Variants in KCNN1 observed in about 807,000 individuals in gnomAD.
KCNN1 encodes the protein small conductance calcium-activated potassium channel protein 1.
KCNN1 carries 20 observed loss-of-function variants against 44.7 expected under a neutral mutation model. That is an observed-to-expected ratio of 0.45 (90% CI 0.32 to 0.65). KCNN1 has a LOEUF of 0.65. Ranked by LOEUF, KCNN1 falls within the 30% of genes least tolerant of loss-of-function variation. KCNN1 has a pLI of 0.05. For synonymous variants in KCNN1, 324 were observed against 341.7 expected (o/e 0.95, Z 0.57); for missense variants, 632 against 785.3 (o/e 0.80, Z 2.33).
intron 9 of KCNN1, among the ~76,000 whole-genome samples, chr19:17,997,424 C>A (rs1384194276): frequency 6.6e-6 from 1 of 152,216 alleles, no homozygotes; most frequent in Middle Eastern, 3.2e-3. Context: ...ACTAGACCCC[C>A]AGGGCAGCTC....
intron 7 of KCNN1, among the ~76,000 whole-genome samples, chr19:17,990,618 G>C (rs1269380133): frequency 6.6e-6 from 1 of 151,410 alleles, no homozygotes; most frequent in Non-Finnish European, 1.5e-5. Flanking sequence ...GGCTAACACA[G>C]TGAAACCTCG....
chr19:17,988,824 T>C (rs921698072), intron 6 of KCNN1, among the ~76,000 whole-genome samples: 1 of 151,080 alleles, frequency 6.6e-6, no homozygotes, highest in African/African-American at 2.4e-5. Flanking sequence ...GGCAGGAGAA[T>C]CGCTTGAGCC....
At position 17,998,016 on chromosome 19, in the gene KCNN1, C is replaced by A. The variant is rs994308684; in HGVS notation, c.1378-136C>A. The A allele has an allele frequency of 3.1e-6, 3 of 977,646 alleles. No homozygotes were observed. Among genetic ancestry groups the A allele is most frequent in the Non-Finnish European group, 4.3e-6 (3 of 697,414 alleles). 60.6% of individuals were successfully genotyped at this position (977,646 alleles called of 1,614,324 possible). On this transcript the variant is annotated intron_variant, in intron 9 of 9. Transcript: ENST00000684775. This position sits in a 1 kb window ranked among gnomAD's most constrained non-coding sequence, Gnocchi z 5.4. The stretch of plus-strand genomic sequence containing the variant: ...GCTGGGGGTATCCTCCCAGCCACCC[C>A]TCACACGGGCCCCATTAGTGGCTGG...
chr19:17,975,148 G>C lies in KCNN1; in HGVS notation c.459G>C (p.Leu153=), dbSNP rs1007926846. 4 of 1,613,490 alleles carry C rather than the reference G, an allele frequency of 2.5e-6. No individual in the cohort carries two copies. The African/African-American group carries it at 4.0e-5, about 16-fold the overall frequency. Residue 153 remains leucine, a synonymous_variant, in exon 3 of 10, where the codon CTG becomes CTC. Transcript: ENST00000684775. ...TCATCAGCCTCTCCACGGCCATCCT[G>C]CTGGGTCTCGTTGTCCTCTACCATG... ...KCLISLSTAI[L]LGLVVLYHAR...
At chr19:17,990,092 ATTC>A (rs769140116) in intron 7 of KCNN1, 34 of 664,232 alleles carry the variant, frequency 5.1e-5, no homozygotes, top group South Asian at 5.1e-4. Flanking sequence ...AACCAGGATA[ATTC>A]TTACCCTTTA....
At chr19:17,973,747 C>A in intron 1 of KCNN1, 61 bp from the exon 2 acceptor site, 1 of 1,440,434 alleles carries the variant, frequency 6.9e-7, no homozygotes, top group East Asian at 2.6e-5. Flanking sequence ...CGGGATGGTC[C>A]TTGCCTTTCT....
chr19:17,969,378 G>A (rs1055085187), intron 1 of KCNN1, among the ~76,000 whole-genome samples: 1 of 152,158 alleles, frequency 6.6e-6, no homozygotes, highest in African/African-American at 2.4e-5. Context: ...AAATGGGAAC[G>A]GGAATGCCAC....
At chr19:17,957,717 C>T (rs8107891) in intron 2 of KCNN1, among the ~76,000 whole-genome samples, 4 of 151,902 alleles carry the variant, frequency 2.6e-5, no homozygotes, top group East Asian at 1.9e-4. Context: ...AGGAACTCAG[C>T]GGCTGCAGTG....
intron 7 of KCNN1, among the ~76,000 whole-genome samples, chr19:17,990,353 G>C (rs1404395233): frequency 1.3e-5 from 2 of 151,864 alleles, no homozygotes; most frequent in Non-Finnish European, 2.9e-5. Context: ...GTGTGGTGGT[G>C]TGCCTCTGTG....
intron 4 of KCNN1, chr19:17,982,712 G>A (rs2032459545): frequency 2.0e-6 from 1 of 508,218 alleles, no homozygotes; most frequent in Non-Finnish European, 2.5e-6. Flanking sequence ...GGCGGGGTGG[G>A]TCGGGGTAAG....
chr19:17,967,186 C>G lies in KCNN1; in HGVS notation c.-213C>G. On this transcript the variant is annotated 5_prime_UTR_variant, in exon 1 of 10. Coordinates refer to ENST00000684775, the MANE Select transcript of KCNN1 (RefSeq NM_001386974.1). ...GCCGCCGCCCCCGGCCCCGCCGCCCCCGGGCCCCGCGCCCGCTCGCTGCTG... is the reference window on the plus strand; with the variant it reads ...GCCGCCGCCCCCGGCCCCGCCGCCCGCGGGCCCCGCGCCCGCTCGCTGCTG... 1 of 951,658 alleles carries G rather than the reference C, an allele frequency of 1.1e-6. No individual in the cohort carries two copies. Among genetic ancestry groups the G allele is most frequent in the Non-Finnish European group, 1.2e-6 (1 of 801,268 alleles). 59.0% of individuals were successfully genotyped at this position (951,658 alleles called of 1,614,324 possible). A position where few individuals can be genotyped will look rare whatever the true frequency, so the allele number is the denominator to read the frequency against.
chr19:17,952,497 C>T (rs1337675365), intron 1 of KCNN1, among the ~76,000 whole-genome samples: 2 of 152,170 alleles, frequency 1.3e-5, no homozygotes, highest in Non-Finnish European at 2.9e-5. Flanking sequence ...GCCTCCAACA[C>T]CGATCCCGGG....
chr19:17,992,045 G>A (rs2032812983), intron 7 of KCNN1, among the ~76,000 whole-genome samples: 1 of 152,188 alleles, frequency 6.6e-6, no homozygotes. Flanking sequence ...AAAAGGCTGG[G>A]CGCGGTGGCT....
At chr19:17,982,235 T>G in intron 4 of KCNN1, 108 bp downstream of exon 4, 6 of 911,554 alleles carry the variant, frequency 6.6e-6, no homozygotes, top group Non-Finnish European at 9.5e-6. Flanking sequence ...ACCCTGGCCA[T>G]TGCTTCTGTC....
chr19:17,968,060 A>G (rs2031877821), intron 1 of KCNN1, among the ~76,000 whole-genome samples: 1 of 95,682 alleles, frequency 1.0e-5, no homozygotes, highest in African/African-American at 4.1e-5. Flanking sequence ...GGGCCCTGTG[A>G]TTATTGGGGG....
intron 7 of KCNN1, 147 bp from the exon 8 acceptor site, chr19:17,992,907 C>T (rs2032845056): frequency 2.1e-6 from 2 of 969,850 alleles, no homozygotes; most frequent in Non-Finnish European, 3.2e-6. Flanking sequence ...CCCAGAGCAA[C>T]GGCAGCCCCT....
At chr19:17,972,730 T>G (rs2032064454) in intron 1 of KCNN1, among the ~76,000 whole-genome samples, 1 of 152,154 alleles carries the variant, frequency 6.6e-6, no homozygotes, top group South Asian at 2.1e-4. Context: ...GAGGTGAGGT[T>G]AACTCATCCA....
chr19:17,992,659 C>T (rs544459596), intron 7 of KCNN1, among the ~76,000 whole-genome samples: 42 of 152,322 alleles, frequency 2.8e-4, no homozygotes, highest in African/African-American at 9.6e-4. Context: ...ACTCCCCCTG[C>T]GGCCAGCTGT....
At chr19:17,992,049 G>A (rs1178083361) in intron 7 of KCNN1, among the ~76,000 whole-genome samples, 5 of 152,102 alleles carry the variant, frequency 3.3e-5, no homozygotes, top group Non-Finnish European at 5.9e-5. Flanking sequence ...GGCTGGGCGC[G>A]GTGGCTCACA....
Sources: gnomAD v4.1 joint callset for allele counts (sites outside exome capture counted in the v4.1 genomes callset) on GRCh38, gnomAD v4.1.1 for gene constraint, Gnocchi (gnomAD v3.1) non-coding constraint, MANE v1.5 for transcripts, NCBI Gene and HGNC (gene_info 2026-07-23, HGNC 2026-07-21) for gene names.